The following CACNA2D3 variants were observed in gnomAD, a reference collection of about 807,000 sequenced individuals.
The protein encoded by CACNA2D3 is voltage-dependent calcium channel subunit alpha-2/delta-3.
In CACNA2D3, 60 loss-of-function variants were observed where a neutral mutation model predicts 160.6. The ratio of observed to expected loss-of-function variants is 0.37; its 90% CI spans 0.30 to 0.46. The LOEUF is 0.46. Among genes scored for constraint, CACNA2D3 ranks in the 20% least tolerant of loss-of-function variants. The pLI, the probability that CACNA2D3 is intolerant of heterozygous loss-of-function variation, is 1.00. For synonymous variants in CACNA2D3, 558 were observed against 492.9 expected (o/e 1.13, Z -1.75); for missense variants, 1,205 against 1,365.0 (o/e 0.88, Z 1.85).
At chr3:54,930,383 A>T (rs116515682) in intron 27 of CACNA2D3, among the ~76,000 whole-genome samples, 11 of 152,190 alleles carry the variant, frequency 7.2e-5, no homozygotes, top group African/African-American at 2.4e-4. Flanking sequence ...CATAAATGGG[A>T]TTGAAAGGCA....
intron 32 of CACNA2D3, among the ~76,000 whole-genome samples, chr3:55,006,236 T>C (rs1395799350): frequency 6.6e-6 from 1 of 152,232 alleles, no homozygotes; most frequent in Non-Finnish European, 1.5e-5. Context: ...TTTTTAATCC[T>C]GTATTTGCAT....
At chr3:54,735,278 C>G (rs1053165781) in intron 11 of CACNA2D3, among the ~76,000 whole-genome samples, 1 of 152,122 alleles carries the variant, frequency 6.6e-6, no homozygotes, top group Non-Finnish European at 1.5e-5. Flanking sequence ...GGATGGTGAG[C>G]CTTCAGAAGC....
At chr3:54,790,127 G>T (rs1702721912) in intron 13 of CACNA2D3, among the ~76,000 whole-genome samples, 2 of 152,182 alleles carry the variant, frequency 1.3e-5, no homozygotes, top group South Asian at 2.1e-4. Context: ...GGAGCCAGAG[G>T]ACCCGGTTTC....
intron 3 of CACNA2D3, among the ~76,000 whole-genome samples, chr3:54,359,996 G>T (rs765275533): frequency 1.3e-5 from 2 of 152,186 alleles, no homozygotes; most frequent in African/African-American, 4.8e-5. Flanking sequence ...AGAATAAAAG[G>T]CAATGACAAC....
chr3:54,468,429 C>T (rs185508276), intron 4 of CACNA2D3, among the ~76,000 whole-genome samples: 85 of 152,274 alleles, frequency 5.6e-4, no homozygotes, highest in Admixed American at 2.5e-3. Context: ...ACAGTCTTTG[C>T]GACCTGCAGA....
At chr3:54,910,491 A>T (rs1372256666) in intron 27 of CACNA2D3, among the ~76,000 whole-genome samples, 2 of 152,148 alleles carry the variant, frequency 1.3e-5, no homozygotes, top group Non-Finnish European at 2.9e-5. Flanking sequence ...GTGCTTCACC[A>T]TGTTGATCAC....
chr3:54,456,032 G>A (rs948164808), intron 4 of CACNA2D3, among the ~76,000 whole-genome samples: 1 of 152,104 alleles, frequency 6.6e-6, no homozygotes, highest in African/African-American at 2.4e-5. Flanking sequence ...TGGATATTCA[G>A]ACTCTTATAT....
At chr3:54,739,751 A>ATATGTGTGTGTG (rs1245449992) in intron 11 of CACNA2D3, among the ~76,000 whole-genome samples, 1 of 145,848 alleles carries the variant, frequency 6.9e-6, no homozygotes, top group African/African-American at 2.6e-5. Flanking sequence ...CTCCTCATAT[A>ATATGTGTGTGTG]TGTGTGTGTG....
intron 31 of CACNA2D3, among the ~76,000 whole-genome samples, chr3:54,998,742 T>TGTTTC (rs1269358834): frequency 2.0e-5 from 3 of 151,678 alleles, no homozygotes; most frequent in African/African-American, 4.8e-5. Context: ...TGTTTTGTTT[T>TGTTTC]GTTTTGTTTT....
intron 27 of CACNA2D3, among the ~76,000 whole-genome samples, chr3:54,945,447 C>G (rs967630019): frequency 1.1e-4 from 17 of 152,200 alleles, no homozygotes; most frequent in Non-Finnish European, 1.0e-4. Flanking sequence ...GCATGTATCT[C>G]TTTTTCCCTA....
At chr3:54,439,655 C>T (rs1396390683) in intron 4 of CACNA2D3, among the ~76,000 whole-genome samples, 1 of 152,110 alleles carries the variant, frequency 6.6e-6, no homozygotes, top group African/African-American at 2.4e-5. Flanking sequence ...GCTACCACGC[C>T]TGGTTCAAGA....
chr3:54,956,389 T>G (rs1266704380), intron 27 of CACNA2D3, among the ~76,000 whole-genome samples: 1 of 152,256 alleles, frequency 6.6e-6, no homozygotes, highest in Non-Finnish European at 1.5e-5. Context: ...AATTTTGCTG[T>G]GTCAGGCTAT....
chr3:54,148,090 C>A (rs1700070326), intron 2 of CACNA2D3, among the ~76,000 whole-genome samples: 1 of 152,264 alleles, frequency 6.6e-6, no homozygotes, highest in Admixed American at 6.5e-5. Flanking sequence ...AGCCACTGCG[C>A]CCAGCTGATG....
At chr3:54,532,447 T>C (rs1300159889) in intron 5 of CACNA2D3, among the ~76,000 whole-genome samples, 2 of 152,232 alleles carry the variant, frequency 1.3e-5, no homozygotes, top group Non-Finnish European at 2.9e-5. Flanking sequence ...ATAAGGAATT[T>C]CTCATCCCTC....
intron 9 of CACNA2D3, among the ~76,000 whole-genome samples, chr3:54,613,587 G>T (rs1007448543): frequency 2.0e-5 from 3 of 152,190 alleles, no homozygotes; most frequent in Admixed American, 6.5e-5. Context: ...CCTACAGCAT[G>T]TCATTCCATC....
At chr3:54,586,556 TAGAC>T (rs1169284410) in intron 9 of CACNA2D3, among the ~76,000 whole-genome samples, 2 of 152,140 alleles carry the variant, frequency 1.3e-5, no homozygotes, top group African/African-American at 4.8e-5. Flanking sequence ...AGGATAGAAA[TAGAC>T]AGATTTACAA....
intron 5 of CACNA2D3, among the ~76,000 whole-genome samples, chr3:54,556,663 A>G (rs1329310072): frequency 6.6e-6 from 1 of 152,170 alleles, no homozygotes; most frequent in Non-Finnish European, 1.5e-5. Context: ...GGCCTAAAGA[A>G]CCGCAAGTAA....
intron 3 of CACNA2D3, among the ~76,000 whole-genome samples, chr3:54,343,856 T>A (rs1698408565): frequency 6.6e-6 from 1 of 152,250 alleles, no homozygotes; most frequent in African/African-American, 2.4e-5. Context: ...GAAATATCTC[T>A]TTTAAAATGC....
intron 2 of CACNA2D3, among the ~76,000 whole-genome samples, chr3:54,296,712 C>T (rs561077992): frequency 2.0e-5 from 3 of 152,274 alleles, no homozygotes; most frequent in Admixed American, 1.3e-4. Context: ...TGGCTGTTTT[C>T]TTTGTACACG....
Sources: gnomAD v4.1 joint callset for allele counts (sites outside exome capture counted in the v4.1 genomes callset) on GRCh38, gnomAD v4.1.1 for gene constraint, MANE v1.5 for transcripts, NCBI Gene and HGNC (gene_info 2026-07-23, HGNC 2026-07-21) for gene names.